The following TCF25 variants were observed in gnomAD, a reference collection of about 807,000 sequenced individuals.
TCF25 encodes TCF25 ribosome quality control complex subunit.
In TCF25, 41 loss-of-function variants were observed where a neutral mutation model predicts 83.1. That is an observed-to-expected ratio of 0.49 (90% confidence interval 0.38 to 0.64). The LOEUF (loss-of-function observed/expected upper bound fraction) is 0.64. Ranked by LOEUF, TCF25 falls within the 30% of genes least tolerant of loss-of-function variation. The pLI, the probability that TCF25 is intolerant of heterozygous loss-of-function variation, is 0.00. For missense variants in TCF25, 979 were observed against 914.5 expected (o/e 1.07, Z -0.91); for synonymous variants, 458 against 365.0 (o/e 1.25, Z -2.90).
chr16:89,878,227 G>T (rs2042334567), intron 1 of TCF25, among the ~76,000 whole-genome samples: 1 of 151,890 alleles, frequency 6.6e-6, no homozygotes, highest in African/African-American at 2.4e-5. Flanking sequence ...CTGCAGTGAG[G>T]TGAGATGACG....
chr16:89,908,088 C>G, intron 16 of TCF25, among the ~76,000 whole-genome samples: 1 of 144,468 alleles, frequency 6.9e-6, no homozygotes, highest in Non-Finnish European at 1.5e-5. Context: ...TGTCTCCTCC[C>G]TCCTCCCAGT....
chr16:89,887,747 A>G, intron 5 of TCF25, 30 bp downstream of exon 5: 2 of 1,534,796 alleles, frequency 1.3e-6, no homozygotes, highest in South Asian at 1.3e-5. Flanking sequence ...GCATTCTCAC[A>G]GCTGCTTCAT....
At chr16:89,893,889 C>T in intron 7 of TCF25, 31 bp downstream of exon 7, 1 of 1,579,450 alleles carries the variant, frequency 6.3e-7, no homozygotes, top group Non-Finnish European at 8.6e-7. Context: ...CTGACAGGAG[C>T]AGGGGCCATG....
At chr16:89,885,706 G>A in intron 3 of TCF25, 142 bp from the exon 4 acceptor site, 1 of 698,248 alleles carries the variant, frequency 1.4e-6, no homozygotes, top group Non-Finnish European at 2.5e-6. Flanking sequence ...TGTGTGGATG[G>A]TACATAGTGT....
intron 17 of TCF25, 117 bp from the exon 18 acceptor site, chr16:89,910,963 C>T: frequency 1.4e-6 from 2 of 1,402,836 alleles, no homozygotes; most frequent in South Asian, 1.3e-5. Flanking sequence ...GGGGAGGGTT[C>T]AGGGTCCGGT....
chr16:89,873,616 G>A lies in TCF25; in HGVS notation c.-52G>A, dbSNP rs993310807. 1 of 1,451,414 alleles carries A rather than the reference G, an allele frequency of 6.9e-7. No individual in the cohort carries two copies. Among genetic ancestry groups the A allele is most frequent in the Non-Finnish European group, 9.0e-7 (1 of 1,105,056 alleles). The allele number at this position is 1,451,414 out of a possible 1,614,324, so 89.9% of individuals were successfully genotyped here. ...AGTGCGCAGGCGCGCCGACAGCCGA[G>A]TTTTCTGCGCTTCCTTCTCCCTCTC... On this transcript the variant is annotated 5_prime_UTR_variant, in exon 1 of 18. Coordinates refer to ENST00000263346, the MANE Select transcript of TCF25 (RefSeq NM_014972.3).
At chr16:89,883,615 C>A in intron 2 of TCF25, 103 bp downstream of exon 2, 1 of 1,394,202 alleles carries the variant, frequency 7.2e-7, no homozygotes, top group Middle Eastern at 2.6e-4. Flanking sequence ...TGTAATTTTC[C>A]GAGTTCCATT....
chr16:89,879,930 C>T (rs1294062039), intron 1 of TCF25, among the ~76,000 whole-genome samples: 2 of 151,722 alleles, frequency 1.3e-5, no homozygotes, highest in African/African-American at 2.4e-5. Flanking sequence ...CACAGACAGG[C>T]TCCTGGGCCT....
chr16:89,887,649 C>T lies in TCF25; in HGVS notation c.549-3C>T, dbSNP rs1417643101. 8.2e-6 allele frequency: 13 copies of T among 1,579,746 alleles called. No homozygotes were observed. Among genetic ancestry groups the T allele is most frequent in the African/African-American group, 1.4e-5 (1 of 72,546 alleles). On this transcript the variant is annotated splice_polypyrimidine_tract_variant and splice_region_variant and intron_variant, in intron 4 of 17. Coordinates refer to ENST00000263346, the MANE Select transcript of TCF25 (RefSeq NM_014972.3). The stretch of plus-strand genomic sequence containing the variant: ...TTTTTTTCTACAATTTTCAATTCCC[C>T]AGACACTTGAATCCAGACACAGAAC...
intron 1 of TCF25, among the ~76,000 whole-genome samples, chr16:89,874,398 G>C (rs1054449968): frequency 6.6e-6 from 1 of 152,182 alleles, no homozygotes; most frequent in Admixed American, 6.5e-5. Context: ...CGTAGGGGCA[G>C]GAGTCGGGTG....
intron 16 of TCF25, chr16:89,910,362 T>C: frequency 1.8e-6 from 1 of 561,202 alleles, no homozygotes; most frequent in East Asian, 2.9e-5. Flanking sequence ...GCTGAGTTGG[T>C]CTCCCTCATC....
At position 89,883,476 on chromosome 16, in the gene TCF25, G is replaced by A. The variant is rs890188707; in HGVS notation, c.318G>A (p.Thr106=). 9.3e-6 allele frequency: 15 copies of A among 1,612,722 alleles called. No homozygotes were observed. Among genetic ancestry groups the A allele is most frequent in the Admixed American group, 3.3e-5 (2 of 59,832 alleles). The change falls in exon 2 of 18, where the codon ACG becomes ACA. Residue 106 remains threonine (T), a synonymous_variant. Coordinates refer to ENST00000263346, the MANE Select transcript of TCF25 (RefSeq NM_014972.3). The part of the protein sequence containing the change: ...RGQRGNTESK[T]DGDDTETVPS... Reference sequence around the variant, plus strand: ...AGCGTGGAAACACAGAGAGCAAGACGGATGGAGATGACACCGAGACAGTGC... The same window carrying A: ...AGCGTGGAAACACAGAGAGCAAGACAGATGGAGATGACACCGAGACAGTGC...
rs555477033 is a variant in TCF25, at chr16:89,909,143, G to C, written c.1800-1448G>C. 3 of 1,282,602 alleles carry C rather than the reference G, an allele frequency of 2.3e-6. No individual in the cohort carries two copies. The African/African-American group carries it at 4.6e-5, about 19-fold the overall frequency. 79.5% of individuals were successfully genotyped at this position (1,282,602 alleles called of 1,614,324 possible). The stretch of plus-strand genomic sequence containing the variant: ...AAGTGGGGAAAACATATTAATTTTA[G>C]AATGTAGAAATAAACATAAAATCAA... On this transcript the variant is annotated intron_variant, in intron 16 of 17. Coordinates refer to ENST00000263346, the MANE Select transcript of TCF25 (RefSeq NM_014972.3).
At chr16:89,900,612 C>A (rs1268145643) in intron 11 of TCF25, 23 bp from the exon 12 acceptor site, 1 of 1,563,262 alleles carries the variant, frequency 6.4e-7, no homozygotes, top group Admixed American at 1.7e-5. Flanking sequence ...AGGCTCCACG[C>A]TCTGTTTCTT....
chr16:89,908,270 T>TGCC (rs2045144366), intron 16 of TCF25, among the ~76,000 whole-genome samples: 1 of 56,422 alleles, frequency 1.8e-5, no homozygotes. Flanking sequence ...CAGCTCCCTC[T>TGCC]TCCCTCCTCC....
At chr16:89,878,580 A>G (rs1307496739) in intron 1 of TCF25, 3 of 1,171,586 alleles carry the variant, frequency 2.6e-6, no homozygotes, top group Non-Finnish European at 3.2e-6. Context: ...ACCTTGTGAA[A>G]TGTTCCCCAT....
intron 1 of TCF25, among the ~76,000 whole-genome samples, chr16:89,876,927 TAAAAAAAA>T (rs71137687): frequency 1.5e-5 from 1 of 68,012 alleles, no homozygotes; most frequent in African/African-American, 6.8e-5. Context: ...AGACTCCATC[TAAAAAAAA>T]AAAAAAAAAA....
chr16:89,908,633 C>T (rs1047923094), intron 16 of TCF25, among the ~76,000 whole-genome samples: 2 of 7,000 alleles, frequency 2.9e-4, no homozygotes. Context: ...CCAGCTCCCA[C>T]CTCCCACCTC....
chr16:89,909,850 T>C (rs1388049606), intron 16 of TCF25: 3 of 152,294 alleles, frequency 2.0e-5, no homozygotes, highest in East Asian at 1.9e-4. Context: ...ACACGGCACA[T>C]TGAGAGAACA....
Sources: allele counts gnomAD v4.1 joint callset (sites outside exome capture counted in the v4.1 genomes callset), GRCh38; gene constraint gnomAD v4.1.1; transcripts MANE v1.5; gene names NCBI Gene and HGNC (gene_info 2026-07-23, HGNC 2026-07-21).